The following CSPP1 variants were observed in gnomAD, a reference collection of about 807,000 sequenced individuals.
CSPP1 encodes the protein centrosome and spindle pole-associated protein 1.
A neutral mutation model predicts 164.4 loss-of-function variants in CSPP1; 126 were observed. That is an observed-to-expected ratio of 0.77 (90% CI 0.66 to 0.89). CSPP1 has a LOEUF of 0.89. Among genes scored for constraint, CSPP1 ranks in the 40% least tolerant of loss-of-function variants. The pLI is 0.00. For missense variants in CSPP1, 1,395 were observed against 1,449.8 expected (o/e 0.96, Z 0.61); for synonymous variants, 472 against 476.7 (o/e 0.99, Z 0.13).
At chr8:67,119,009 C>A (rs1414863593) in intron 15 of CSPP1, among the ~76,000 whole-genome samples, 188 bp downstream of exon 15, 1 of 152,088 alleles carries the variant, frequency 6.6e-6, no homozygotes. Context: ...AAACTCTATA[C>A]CCATTAAATA....
intron 1 of CSPP1, among the ~76,000 whole-genome samples, chr8:67,069,550 A>G (rs1176947009): frequency 2.0e-5 from 3 of 152,154 alleles, no homozygotes; most frequent in African/African-American, 7.2e-5. Context: ...GAACATGTTA[A>G]ATTAATAATT....
At chr8:67,106,595 G>A (rs1391204509) in intron 9 of CSPP1, among the ~76,000 whole-genome samples, 1 of 152,032 alleles carries the variant, frequency 6.6e-6, no homozygotes, top group Non-Finnish European at 1.5e-5. Flanking sequence ...CTATTTATTG[G>A]AAGTCAAGGT....
intron 21 of CSPP1, among the ~76,000 whole-genome samples, chr8:67,160,912 C>T (rs1371483792): frequency 3.9e-5 from 6 of 152,056 alleles, no homozygotes; most frequent in African/African-American, 9.6e-5. Context: ...CTGCAACTTC[C>T]GCCTCCCAGG....
intron 24 of CSPP1, among the ~76,000 whole-genome samples, chr8:67,168,172 C>A (rs1829821473): frequency 1.3e-5 from 2 of 152,118 alleles, no homozygotes; most frequent in African/African-American, 4.8e-5. Context: ...TGGCGCGCGC[C>A]TATAATCGCA....
intron 28 of CSPP1, among the ~76,000 whole-genome samples, chr8:67,185,678 C>T (rs577576176): frequency 1.5e-3 from 223 of 152,112 alleles, no homozygotes; most frequent in African/African-American, 5.1e-3. Context: ...GCAGTCTACC[C>T]CTGGAGGTGG....
intron 16 of CSPP1, 48 bp from the exon 17 acceptor site, chr8:67,137,408 T>C (rs922569848): frequency 3.1e-6 from 4 of 1,286,472 alleles, no homozygotes; most frequent in Non-Finnish European, 4.1e-6. Context: ...ACTTCTTGTA[T>C]CAGAATACTT....
intron 3 of CSPP1, among the ~76,000 whole-genome samples, chr8:67,078,558 G>A (rs1036813545): frequency 1.3e-5 from 2 of 152,114 alleles, no homozygotes; most frequent in Admixed American, 1.3e-4. Context: ...GTTTCGCTAT[G>A]TTGCCCAGGC....
chr8:67,188,910 T>C (rs1835426892), intron 28 of CSPP1, among the ~76,000 whole-genome samples: 1 of 152,202 alleles, frequency 6.6e-6, no homozygotes, highest in Non-Finnish European at 1.5e-5. Flanking sequence ...ATTCACCGCA[T>C]GGCCCAAGAT....
At chr8:67,191,434 T>C (rs912267475) in intron 29 of CSPP1, among the ~76,000 whole-genome samples, 2 of 152,396 alleles carry the variant, frequency 1.3e-5, no homozygotes, top group Admixed American at 1.3e-4. Context: ...CATTACCAGG[T>C]GAAAATAGCT....
At chr8:67,193,984 A>G (rs971880637) in intron 30 of CSPP1, among the ~76,000 whole-genome samples, 1 of 152,262 alleles carries the variant, frequency 6.6e-6, no homozygotes, top group African/African-American at 2.4e-5. Flanking sequence ...GTATATTTGC[A>G]GTACTACAAA....
intron 9 of CSPP1, among the ~76,000 whole-genome samples, chr8:67,110,788 A>G (rs916673174): frequency 1.3e-5 from 2 of 152,148 alleles, no homozygotes; most frequent in African/African-American, 4.8e-5. Context: ...ACAATTCTGC[A>G]CTACCTATTG....
At chr8:67,137,750 A>G (rs775662008) in intron 17 of CSPP1, 147 bp downstream of exon 17, 38 of 423,460 alleles carry the variant, frequency 9.0e-5, no homozygotes, top group Non-Finnish European at 1.4e-4. Context: ...TTTAAGAGTA[A>G]ATATAATAAC....
chr8:67,104,966 ATTTTTTT>A (rs1166551719), intron 8 of CSPP1, among the ~76,000 whole-genome samples: 55 of 60,744 alleles, frequency 9.1e-4, no homozygotes, highest in Non-Finnish European at 1.2e-3. Flanking sequence ...ATATATATAT[ATTTTTTT>A]TTTTTTTTTT....
intron 1 of CSPP1, chr8:67,065,452 A>G (rs1805346982): frequency 4.2e-6 from 3 of 720,920 alleles, no homozygotes; most frequent in Non-Finnish European, 5.1e-6. Context: ...AGCAACCGAT[A>G]GGAATTTATA....
At position 67,085,597 on chromosome 8, in the gene CSPP1, G is replaced by A. The variant is rs188070054; in HGVS notation, c.200-410G>A. ...AGATAATTAGTTTTTCTTTAATTTT[G>A]CTGTTCTTGAGAAAGCAAGATGCCA... On this transcript the variant is annotated intron_variant, in intron 3 of 30. Transcript: ENST00000678616. Among the ~76,000 whole-genome samples, 616 of 152,114 alleles carry A rather than the reference G, an allele frequency of 4.0e-3. 1 individual carries two copies. The highest frequency in any genetic ancestry group is 6.1e-3 in the Non-Finnish European group (412 of 67,930).
chr8:67,088,105 T>C (rs1443682177), intron 4 of CSPP1, among the ~76,000 whole-genome samples: 1 of 152,110 alleles, frequency 6.6e-6, no homozygotes, highest in Non-Finnish European at 1.5e-5. Flanking sequence ...CTTTTTCTTA[T>C]TGGGTGGAGT....
At chr8:67,080,216 T>G (rs1808859533) in intron 3 of CSPP1, among the ~76,000 whole-genome samples, 2 of 152,154 alleles carry the variant, frequency 1.3e-5, no homozygotes, top group African/African-American at 2.4e-5. Flanking sequence ...TAGGTCAGAT[T>G]TGGAAATGAG....
intron 17 of CSPP1, among the ~76,000 whole-genome samples, chr8:67,141,635 C>T (rs764182407): frequency 6.6e-6 from 1 of 152,248 alleles, no homozygotes; most frequent in African/African-American, 2.4e-5. Flanking sequence ...AGTTCTCCTG[C>T]CTCAGCCTTC....
chr8:67,106,079 A>G, intron 9 of CSPP1, 104 bp downstream of exon 9: 2 of 655,162 alleles, frequency 3.1e-6, no homozygotes, highest in Non-Finnish European at 5.5e-6. Flanking sequence ...TACTAATAGT[A>G]GAAAATATTT....
Sources: allele counts gnomAD v4.1 joint callset (sites outside exome capture counted in the v4.1 genomes callset), GRCh38; gene constraint gnomAD v4.1.1; transcripts MANE v1.5; gene names NCBI Gene and HGNC (gene_info 2026-07-23, HGNC 2026-07-21).